The following GALNTL6 variants were observed in gnomAD, a reference collection of about 807,000 sequenced individuals.
GALNTL6 encodes the protein polypeptide N-acetylgalactosaminyltransferase-like 6.
Under a neutral mutation model 73.7 loss-of-function variants are expected in GALNTL6, and 46 were observed. The observed-to-expected ratio is 0.62, with a 90% CI of 0.49 to 0.80. GALNTL6 has a LOEUF of 0.80. Ranked by LOEUF, GALNTL6 falls within the 30% of genes least tolerant of loss-of-function variation. The probability of loss-of-function intolerance (pLI) is 0.00; values close to 1 mark genes in which losing one functional copy is unlikely to be tolerated. For synonymous variants in GALNTL6, 259 were observed against 263.7 expected (o/e 0.98, Z 0.17); for missense variants, 604 against 755.0 (o/e 0.80, Z 2.34).
chr4:172,020,456 A>G (rs1418385273), intron 2 of GALNTL6, among the ~76,000 whole-genome samples: 4 of 152,116 alleles, frequency 2.6e-5, no homozygotes, highest in South Asian at 4.1e-4. Flanking sequence ...CAAATACATA[A>G]AATCAGAGGT....
At chr4:172,348,439 C>A in intron 4 of GALNTL6, 84 bp from the exon 5 acceptor site, 1 of 1,111,646 alleles carries the variant, frequency 9.0e-7, no homozygotes, top group Non-Finnish European at 1.3e-6. Context: ...CCACAGTTGT[C>A]TGATAACATA....
intron 5 of GALNTL6, among the ~76,000 whole-genome samples, chr4:172,729,025 G>C (rs896691575): frequency 1.4e-4 from 22 of 152,130 alleles, no homozygotes; most frequent in Non-Finnish European, 2.9e-4. Flanking sequence ...CTTCTTTAGG[G>C]AAATGTCTAT....
At chr4:171,837,780 A>T (rs1735135604) in intron 2 of GALNTL6, among the ~76,000 whole-genome samples, 2 of 149,696 alleles carry the variant, frequency 1.3e-5, no homozygotes, top group African/African-American at 4.9e-5. Flanking sequence ...AAGGGGGAAA[A>T]CGCCCATGAG....
intron 5 of GALNTL6, among the ~76,000 whole-genome samples, chr4:172,468,850 C>A (rs2111458803): frequency 6.6e-6 from 1 of 152,314 alleles, no homozygotes; most frequent in South Asian, 2.1e-4. Context: ...GCCCACCCTT[C>A]TACACTCTTC....
chr4:172,291,496 T>G (rs1164181378), intron 3 of GALNTL6, among the ~76,000 whole-genome samples: 2 of 152,158 alleles, frequency 1.3e-5, no homozygotes, highest in Non-Finnish European at 2.9e-5. Context: ...TACTAAAAAA[T>G]CATATCTGAA....
intron 2 of GALNTL6, among the ~76,000 whole-genome samples, chr4:171,914,737 T>A (rs541073331): frequency 2.0e-3 from 284 of 144,502 alleles, no homozygotes; most frequent in Middle Eastern, 3.7e-3. Flanking sequence ...TATTTATGAA[T>A]AAAATAACAC....
chr4:172,589,993 G>A (rs1162295760), intron 5 of GALNTL6, among the ~76,000 whole-genome samples: 1 of 152,158 alleles, frequency 6.6e-6, no homozygotes, highest in South Asian at 2.1e-4. Flanking sequence ...AGGGAAAATA[G>A]CATTAGAGGA....
chr4:171,835,904 A>T (rs1452529367), intron 2 of GALNTL6, among the ~76,000 whole-genome samples: 1 of 152,060 alleles, frequency 6.6e-6, no homozygotes, highest in African/African-American at 2.4e-5. Flanking sequence ...AAAATAAAAA[A>T]ATATTTTTTA....
chr4:172,972,060 C>G (rs1750607812), intron 10 of GALNTL6, among the ~76,000 whole-genome samples: 1 of 151,814 alleles, frequency 6.6e-6, no homozygotes, highest in African/African-American at 2.4e-5. Flanking sequence ...AGGTAGAATA[C>G]AGAGAGAAAA....
intron 3 of GALNTL6, among the ~76,000 whole-genome samples, chr4:172,268,547 A>G (rs897862241): frequency 3.9e-5 from 6 of 152,206 alleles, no homozygotes; most frequent in Non-Finnish European, 7.3e-5. Context: ...AGCAAAGGCA[A>G]TTCCCAACTA....
intron 5 of GALNTL6, among the ~76,000 whole-genome samples, chr4:172,656,390 T>C (rs1340140203): frequency 6.6e-6 from 1 of 152,204 alleles, no homozygotes; most frequent in African/African-American, 2.4e-5. Context: ...ACTCACAGTT[T>C]TATTACATAA....
intron 5 of GALNTL6, among the ~76,000 whole-genome samples, chr4:172,405,298 C>T (rs1358254856): frequency 1.4e-5 from 2 of 147,592 alleles, no homozygotes; most frequent in Admixed American, 6.9e-5. Flanking sequence ...ATATGTACTT[C>T]AACATATATA....
intron 5 of GALNTL6, among the ~76,000 whole-genome samples, chr4:172,408,095 G>A (rs1288609701): frequency 2.6e-5 from 4 of 151,970 alleles, no homozygotes; most frequent in Non-Finnish European, 4.4e-5. Flanking sequence ...TTGGGGATTC[G>A]GGTGAAATAC....
chr4:171,988,368 C>T (rs113419561), intron 2 of GALNTL6, among the ~76,000 whole-genome samples: 3 of 152,282 alleles, frequency 2.0e-5, no homozygotes, highest in Non-Finnish European at 2.9e-5. Flanking sequence ...TTGGGCTTGA[C>T]TGAAGTAATA....
intron 2 of GALNTL6, among the ~76,000 whole-genome samples, chr4:171,895,602 T>A (rs1490278028): frequency 6.6e-6 from 1 of 152,122 alleles, no homozygotes; most frequent in Admixed American, 6.5e-5. Context: ...GAAGAGAGTA[T>A]CCAGTCTCCA....
intron 5 of GALNTL6, among the ~76,000 whole-genome samples, chr4:172,350,035 C>T (rs1269731438): frequency 6.6e-6 from 1 of 151,926 alleles, no homozygotes; most frequent in Non-Finnish European, 1.5e-5. Flanking sequence ...GTTACTATTT[C>T]AAAGCAGTCA....
rs115235672 is a variant in GALNTL6 at position 172,755,765 on chromosome 4, G to T, written c.554-53596G>T. 4.7e-3 allele frequency among the ~76,000 whole-genome samples: 719 copies of T among 152,220 alleles called. 1 individual carries two copies. Among genetic ancestry groups the T allele is most frequent in the Non-Finnish European group, 7.3e-3 (497 of 68,004 alleles). On this transcript the variant is annotated intron_variant, in intron 5 of 12. Transcript: ENST00000506823. ...ATGACTTTTATTTAAATTAATTTGT[G>T]TTGACTTTAGAAATATCTATTCTTA...
intron 3 of GALNTL6, among the ~76,000 whole-genome samples, chr4:172,297,975 T>C (rs1449664022): frequency 6.6e-6 from 1 of 152,236 alleles, no homozygotes; most frequent in Non-Finnish European, 1.5e-5. Context: ...TGGTTCTTCC[T>C]ACCCATGAGC....
intron 11 of GALNTL6, among the ~76,000 whole-genome samples, chr4:173,012,966 C>T (rs1282747182): frequency 2.6e-5 from 4 of 152,224 alleles, no homozygotes; most frequent in African/African-American, 4.8e-5. Context: ...TTTGAAACCC[C>T]GTCTCTACTA....
Sources: gnomAD v4.1 joint callset for allele counts (sites outside exome capture counted in the v4.1 genomes callset) on GRCh38, gnomAD v4.1.1 for gene constraint, MANE v1.5 for transcripts, NCBI Gene and HGNC (gene_info 2026-07-23, HGNC 2026-07-21) for gene names.